The following CAAP1 variants were observed in gnomAD, a reference collection of about 807,000 sequenced individuals.
CAAP1 encodes caspase activity and apoptosis inhibitor 1.
A neutral mutation model predicts 34.0 loss-of-function variants in CAAP1; 20 were observed. The observed-to-expected ratio is 0.59, with a 90% CI of 0.41 to 0.86. The LOEUF (loss-of-function observed/expected upper bound fraction) is 0.86, where lower values mean the gene tolerates loss of function less well. Among genes scored for constraint, CAAP1 ranks in the 40% least tolerant of loss-of-function variants. CAAP1 has a pLI of 0.00. For synonymous variants in CAAP1, 213 were observed against 166.7 expected (o/e 1.28, Z -2.14); for missense variants, 538 against 450.5 (o/e 1.19, Z -1.76).
intron 3 of CAAP1, 45 bp downstream of exon 3, chr9:26,886,059 G>C: frequency 2.1e-6 from 2 of 934,846 alleles, no homozygotes; most frequent in Non-Finnish European, 3.2e-6. Context: ...GCTGAATATA[G>C]TATTAACTAA....
intron 4 of CAAP1, among the ~76,000 whole-genome samples, chr9:26,861,345 C>G (rs1039385618): frequency 1.3e-5 from 2 of 152,082 alleles, no homozygotes; most frequent in African/African-American, 4.8e-5. Context: ...GCAATTTAAG[C>G]AGTATACTTC....
chr9:26,874,289 C>T (rs1823367029), intron 4 of CAAP1, among the ~76,000 whole-genome samples: 1 of 148,554 alleles, frequency 6.7e-6, no homozygotes, highest in Non-Finnish European at 1.5e-5. Flanking sequence ...TGTGATATTT[C>T]AAATACAAGC....
chr9:26,869,229 C>T (rs938356388), intron 4 of CAAP1, among the ~76,000 whole-genome samples: 9 of 151,844 alleles, frequency 5.9e-5, no homozygotes, highest in African/African-American at 1.9e-4. Context: ...AAACCTAATA[C>T]GGTGAAATTC....
chr9:26,874,069 T>C (rs1364100348), intron 4 of CAAP1, among the ~76,000 whole-genome samples: 1 of 151,626 alleles, frequency 6.6e-6, no homozygotes, highest in East Asian at 1.9e-4. Context: ...TAGCCGGATG[T>C]GGTGGCAGGC....
chr9:26,870,039 C>CTT (rs555433697), intron 4 of CAAP1: 13,218 of 276,704 alleles, frequency 0.048, 401 homozygotes, highest in South Asian at 0.11. Context: ...GAAAGAATAA[C>CTT]TTTTTTTTTT....
chr9:26,847,577 C>T (rs1822647077), intron 5 of CAAP1, among the ~76,000 whole-genome samples: 1 of 152,092 alleles, frequency 6.6e-6, no homozygotes, highest in Non-Finnish European at 1.5e-5. Flanking sequence ...TTCTTTTCCA[C>T]GTGTGTATTG....
chr9:26,885,791 T>C (rs1018377991), intron 3 of CAAP1, among the ~76,000 whole-genome samples: 7 of 152,170 alleles, frequency 4.6e-5, no homozygotes, highest in African/African-American at 1.7e-4. Context: ...ATTAAAAAGA[T>C]TTTAAGGGAA....
intron 4 of CAAP1, among the ~76,000 whole-genome samples, chr9:26,877,249 A>G (rs373029803): frequency 2.0e-5 from 3 of 152,238 alleles, no homozygotes; most frequent in African/African-American, 7.2e-5. Flanking sequence ...ACTTGGGTCC[A>G]TCCCCAAGAT....
chr9:26,874,141 A>T (rs1270532522), intron 4 of CAAP1, among the ~76,000 whole-genome samples: 1 of 147,590 alleles, frequency 6.8e-6, no homozygotes, highest in African/African-American at 2.5e-5. Context: ...CGGGAGGTGG[A>T]ACTTGCAGTG....
chr9:26,848,962 C>G (rs1392629570), intron 5 of CAAP1, among the ~76,000 whole-genome samples: 2 of 152,086 alleles, frequency 1.3e-5, no homozygotes, highest in African/African-American at 4.8e-5. Flanking sequence ...AGTGATGAAT[C>G]TGAGCAGTGA....
chr9:26,891,029 A>T (rs1193249003), intron 1 of CAAP1, among the ~76,000 whole-genome samples: 1 of 152,268 alleles, frequency 6.6e-6, no homozygotes, highest in Non-Finnish European at 1.5e-5. Context: ...CAAACCAAAC[A>T]GCACTTGTCC....
intron 5 of CAAP1, among the ~76,000 whole-genome samples, chr9:26,845,187 TTTG>T (rs1450217600): frequency 1.3e-5 from 2 of 152,142 alleles, no homozygotes; most frequent in East Asian, 1.9e-4. Flanking sequence ...GGCAGAGATT[TTTG>T]TTGTTGTTCC....
chr9:26,869,028 A>G, intron 4 of CAAP1, among the ~76,000 whole-genome samples: 1 of 152,196 alleles, frequency 6.6e-6, no homozygotes, highest in African/African-American at 2.4e-5. Context: ...TTAAAATTAA[A>G]AAATTAGATT....
At chr9:26,852,075 C>T (rs1822766195) in intron 5 of CAAP1, among the ~76,000 whole-genome samples, 1 of 151,578 alleles carries the variant, frequency 6.6e-6, no homozygotes, top group Non-Finnish European at 1.5e-5. Context: ...TTTAATTTTT[C>T]TGGAGACAGG....
chr9:26,843,625 A>G (rs1035575255), intron 5 of CAAP1, among the ~76,000 whole-genome samples: 6 of 152,050 alleles, frequency 3.9e-5, no homozygotes, highest in African/African-American at 1.2e-4. Flanking sequence ...TGATCCCCAA[A>G]ATGTTAGCTT....
chr9:26,849,663 A>G (rs1477911525), intron 5 of CAAP1, among the ~76,000 whole-genome samples: 1 of 151,650 alleles, frequency 6.6e-6, no homozygotes, highest in African/African-American at 2.4e-5. Flanking sequence ...CATCATGCAT[A>G]CATCAAAACT....
rs1244959752 is a variant in CAAP1, at chr9:26,887,594, T to C, written c.304-81A>G. 4 of 818,898 alleles carry C rather than the reference T, an allele frequency of 4.9e-6. No individual in the cohort carries two copies. The East Asian group carries it at 1.1e-4, about 23-fold the overall frequency. 50.7% of individuals were successfully genotyped at this position (818,898 alleles called of 1,614,324 possible). ...ACGTACATGACATCATACGTTTTCATTTAATAAATTCTTCTTCATCAAAAA... is the reference window on the plus strand; with the variant it reads ...ACGTACATGACATCATACGTTTTCACTTAATAAATTCTTCTTCATCAAAAA... On this transcript the variant is annotated intron_variant, in intron 1 of 5. Transcript: ENST00000333916.
intron 4 of CAAP1, among the ~76,000 whole-genome samples, chr9:26,874,348 C>G (rs1823368905): frequency 6.6e-6 from 1 of 151,688 alleles, no homozygotes; most frequent in Non-Finnish European, 1.5e-5. Flanking sequence ...TCCATCATCT[C>G]AAACTCAACA....
At chr9:26,876,979 C>A (rs1254680547) in intron 4 of CAAP1, among the ~76,000 whole-genome samples, 1 of 152,018 alleles carries the variant, frequency 6.6e-6, no homozygotes, top group Admixed American at 6.6e-5. Context: ...CATAGTGAGA[C>A]CCTGTCTCTA....
Sources: gnomAD v4.1 joint callset for allele counts (sites outside exome capture counted in the v4.1 genomes callset) on GRCh38, gnomAD v4.1.1 for gene constraint, MANE v1.5 for transcripts, NCBI Gene and HGNC (gene_info 2026-07-23, HGNC 2026-07-21) for gene names.